The following ANXA4 variants were observed in gnomAD, a reference collection of about 807,000 sequenced individuals.
ANXA4 encodes the protein annexin A4.
A neutral mutation model predicts 49.8 loss-of-function variants in ANXA4; 39 were observed. That is an observed-to-expected ratio of 0.78 (90% confidence interval 0.61 to 1.02). The LOEUF (loss-of-function observed/expected upper bound fraction) is 1.02. Among genes scored for constraint, ANXA4 ranks in the 50% least tolerant of loss-of-function variants. The probability of loss-of-function intolerance (pLI) is 0.00; values close to 1 mark genes in which losing one functional copy is unlikely to be tolerated. For missense variants in ANXA4, 360 were observed against 410.1 expected (o/e 0.88, Z 1.05); for synonymous variants, 134 against 152.5 (o/e 0.88, Z 0.89).
At position 69,662,992 on chromosome 2, in the gene ANXA4, CT is replaced by C. The variant is rs746269236; in HGVS notation, n.766+9728del. On this transcript the variant is annotated intron_variant and non_coding_transcript_variant, in intron 2 of 3. Transcript: ENST00000418066. ...ACCAGATGTCCTGGTTTTTCTTTTT[CT>C]TTTTTTTTTTTTTTTTTGAGATGGA... is the stretch of plus-strand genomic sequence containing the variant. Among the ~76,000 whole-genome samples the C allele has an allele frequency of 5.8e-3, 709 of 123,176 alleles. 2 individuals carry two copies. Among genetic ancestry groups the C allele is most frequent in the Non-Finnish European group, 8.4e-3 (503 of 59,838 alleles). The allele number at this position is 123,176 out of a possible 152,430, so 80.8% of individuals were successfully genotyped here.
intron 2 of ANXA4, among the ~76,000 whole-genome samples, chr2:69,669,348 G>A (rs1322088100): frequency 6.6e-6 from 1 of 151,212 alleles, no homozygotes; most frequent in East Asian, 2.0e-4. Flanking sequence ...AGTGGCTCAC[G>A]CCTGCAATCC....
At chr2:69,718,755 ACACACACATACACACACATT>A (rs1559107610) in intron 2 of ANXA4, among the ~76,000 whole-genome samples, 1 of 143,156 alleles carries the variant, frequency 7.0e-6, no homozygotes, top group African/African-American at 2.9e-5. Flanking sequence ...ATACATGCAT[ACACACACATACACACACATT>A]CACACACATG....
intron 2 of ANXA4, among the ~76,000 whole-genome samples, chr2:69,699,922 C>T (rs1046517118): frequency 2.0e-5 from 3 of 152,148 alleles, no homozygotes; most frequent in Admixed American, 6.5e-5. Flanking sequence ...AATTTAGTCG[C>T]CCCAGCAGGA....
At chr2:69,814,793 T>TGTGTGTGA (rs1431461618) in intron 8 of ANXA4, 3 of 44,028 alleles carry the variant, frequency 6.8e-5, no homozygotes, top group Admixed American at 2.5e-4. Flanking sequence ...TGTGTGTGTG[T>TGTGTGTGA]GAGAGAAAGA....
chr2:69,670,077 G>A (rs948647841), intron 2 of ANXA4, among the ~76,000 whole-genome samples: 1 of 152,142 alleles, frequency 6.6e-6, no homozygotes, highest in African/African-American at 2.4e-5. Flanking sequence ...GGTAGGAACT[G>A]AAGCACAAAG....
chr2:69,671,693 T>C (rs929981725), intron 2 of ANXA4, among the ~76,000 whole-genome samples: 2 of 152,194 alleles, frequency 1.3e-5, no homozygotes, highest in Non-Finnish European at 2.9e-5. Context: ...ACTGCACTCC[T>C]GCCTGGGCGA....
chr2:69,793,993 C>A (rs1672812193), intron 3 of ANXA4, among the ~76,000 whole-genome samples: 1 of 152,194 alleles, frequency 6.6e-6, no homozygotes, highest in Admixed American at 6.5e-5. Context: ...TTAAGAAAAT[C>A]CTTTTTCATT....
At chr2:69,796,961 C>T (rs897722351) in intron 3 of ANXA4, among the ~76,000 whole-genome samples, 4 of 151,904 alleles carry the variant, frequency 2.6e-5, no homozygotes. Flanking sequence ...GACCTTGGAC[C>T]ATTTGCTCTC....
chr2:69,654,520 CTTT>C (rs1350779103), intron 2 of ANXA4, among the ~76,000 whole-genome samples: 1 of 152,064 alleles, frequency 6.6e-6, no homozygotes, highest in Non-Finnish European at 1.5e-5. Flanking sequence ...ATTGAAGGCC[CTTT>C]CTGCATGTAT....
rs114342716 is a variant in ANXA4 at position 69,718,874 on chromosome 2, G to A, written n.767-1900G>A. Among the ~76,000 whole-genome samples the A allele has an allele frequency of 9.4e-3, 1,423 of 151,724 alleles. 23 individuals are homozygous for A. The highest frequency in any genetic ancestry group is 0.028 in the African/African-American group (1,146 of 41,332). On this transcript the variant is annotated intron_variant and non_coding_transcript_variant, in intron 2 of 3. Coordinates refer to the ANXA4 transcript ENST00000418066. Reference sequence around the variant, plus strand: ...TACATGCATACACATGTGTGCATACGCACATGCATACACACACATGCATAC... The same window carrying A: ...TACATGCATACACATGTGTGCATACACACATGCATACACACACATGCATAC...
At chr2:69,740,141 G>A (rs1044252252), upstream of ANXA4, among the ~76,000 whole-genome samples, 1 of 152,156 alleles carries the variant, frequency 6.6e-6, no homozygotes, top group East Asian at 1.9e-4. Flanking sequence ...TTATTTACGC[G>A]GGGTGCCAAC....
At chr2:69,729,488 G>A (rs1670043042) in intron 3 of ANXA4, among the ~76,000 whole-genome samples, 1 of 152,188 alleles carries the variant, frequency 6.6e-6, no homozygotes, top group Non-Finnish European at 1.5e-5. Context: ...GACATGTATG[G>A]CAATGTCTGG....
rs1573116795 is a variant in ANXA4 at position 69,699,050 on chromosome 2, G to A, written n.767-21724G>A. On this transcript the variant is annotated intron_variant and non_coding_transcript_variant, in intron 2 of 3. Coordinates refer to the ANXA4 transcript ENST00000418066. ...GATGGATTGAAGGAAAGATTCGGGTGAGGGGGGACAACTGAAGATATGAAT... is the reference window on the plus strand; with the variant it reads ...GATGGATTGAAGGAAAGATTCGGGTAAGGGGGGACAACTGAAGATATGAAT... Among the ~76,000 whole-genome samples, 4 of 152,208 alleles carry A rather than the reference G, an allele frequency of 2.6e-5. 1 individual carries two copies. The highest frequency in any genetic ancestry group is 2.6e-4 in the Admixed American group (4 of 15,276).
At chr2:69,790,871 TATG>T (rs1220442279) in intron 3 of ANXA4, among the ~76,000 whole-genome samples, 22 of 152,352 alleles carry the variant, frequency 1.4e-4, no homozygotes, top group Middle Eastern at 3.4e-3. Flanking sequence ...ATAACAGATG[TATG>T]ATAAGTCTTA....
chr2:69,757,608 G>C (rs957604868), intron 1 of ANXA4, among the ~76,000 whole-genome samples: 1 of 151,330 alleles, frequency 6.6e-6, no homozygotes, highest in Admixed American at 6.6e-5. Flanking sequence ...ATCCCAAGAA[G>C]TAGAATTCTT....
chr2:69,726,314 G>A (rs1669961903), intron 3 of ANXA4, among the ~76,000 whole-genome samples: 1 of 152,154 alleles, frequency 6.6e-6, no homozygotes, highest in Admixed American at 6.5e-5. Flanking sequence ...CAGCCATTCA[G>A]AACTGTGAGT....
chr2:69,713,376 G>A (rs1257068849), intron 2 of ANXA4, among the ~76,000 whole-genome samples: 2 of 152,112 alleles, frequency 1.3e-5, no homozygotes, highest in South Asian at 4.1e-4. Context: ...TGATAAGATT[G>A]GAAGAAGCCA....
chr2:69,705,701 G>A (rs1678472461), intron 2 of ANXA4, among the ~76,000 whole-genome samples: 1 of 152,238 alleles, frequency 6.6e-6, no homozygotes, highest in Admixed American at 6.5e-5. Flanking sequence ...GGAGGCCAAG[G>A]CGGGTGGATC....
chr2:69,692,670 C>T (rs1222097316), intron 2 of ANXA4, among the ~76,000 whole-genome samples: 2 of 152,166 alleles, frequency 1.3e-5, no homozygotes, highest in African/African-American at 4.8e-5. Context: ...CCAACTAATC[C>T]AGTTCCTCTA....
Sources: allele counts gnomAD v4.1 joint callset (sites outside exome capture counted in the v4.1 genomes callset), GRCh38; gene constraint gnomAD v4.1.1; transcripts MANE v1.5; gene names NCBI Gene and HGNC (gene_info 2026-07-23, HGNC 2026-07-21).